The following ADAM32 variants were observed in gnomAD, a reference collection of about 807,000 sequenced individuals.
ADAM32 encodes the protein disintegrin and metalloproteinase domain-containing protein 32.
In ADAM32, 89 loss-of-function variants were observed where a neutral mutation model predicts 114.9. The observed-to-expected ratio is 0.77, with a 90% CI of 0.65 to 0.92. The LOEUF is 0.92. Among genes scored for constraint, ADAM32 ranks in the 40% least tolerant of loss-of-function variants. ADAM32 has a pLI of 0.00. For synonymous variants in ADAM32, 285 were observed against 307.5 expected (o/e 0.93, Z 0.77); for missense variants, 870 against 932.8 (o/e 0.93, Z 0.88).
At chr8:39,280,262 C>T (rs1813342835) in intron 22 of ADAM32, among the ~76,000 whole-genome samples, 1 of 150,908 alleles carries the variant, frequency 6.6e-6, no homozygotes, top group African/African-American at 2.5e-5. Context: ...CTTGTTTTCC[C>T]TCTGAGCTTC....
intron 3 of ADAM32, among the ~76,000 whole-genome samples, chr8:39,143,764 T>C (rs530227772): frequency 2.6e-4 from 39 of 152,182 alleles, no homozygotes; most frequent in Non-Finnish European, 5.1e-4. Flanking sequence ...ACTGGATGTT[T>C]AAGTCTGCAG....
chr8:39,277,784 T>C (rs1036410857), intron 22 of ADAM32, among the ~76,000 whole-genome samples: 9 of 152,362 alleles, frequency 5.9e-5, no homozygotes, highest in Non-Finnish European at 1.2e-4. Flanking sequence ...GTGCAGGCCC[T>C]GCAGCGGTAT....
At chr8:39,136,606 T>G in intron 2 of ADAM32, 51 bp from the exon 3 acceptor site, 1 of 1,204,972 alleles carries the variant, frequency 8.3e-7, no homozygotes, top group Non-Finnish European at 1.2e-6. Flanking sequence ...ACTGTTGTTT[T>G]GCTTCTTGTA....
intron 7 of ADAM32, 125 bp downstream of exon 7, chr8:39,161,090 A>G (rs1804481512): frequency 1.2e-6 from 1 of 822,304 alleles, no homozygotes; most frequent in African/African-American, 1.8e-5. Flanking sequence ...ACAATAGTGG[A>G]AAAATGTGCA....
In ADAM32 at chr8:39,186,799, C is replaced by T. The variant is rs1054382463; in HGVS notation, c.916-110C>T. ...CACCTGTTCAAGGATCCATATCTCC[C>T]TAATTCTTTAGCATTTGATAAAATA... On this transcript the variant is annotated intron_variant, in intron 10 of 24. Coordinates refer to ENST00000379907, the MANE Select transcript of ADAM32 (RefSeq NM_145004.7). 5.2e-6 allele frequency: 5 copies of T among 962,348 alleles called. No homozygotes were observed. The African/African-American group carries it at 6.6e-5, about 13-fold the overall frequency. The allele number at this position is 962,348 out of a possible 1,614,324, so 59.6% of individuals were successfully genotyped here.
At chr8:39,219,952 T>C (rs1000497282) in intron 12 of ADAM32, among the ~76,000 whole-genome samples, 3 of 152,186 alleles carry the variant, frequency 2.0e-5, no homozygotes, top group African/African-American at 7.2e-5. Context: ...AAGTGTGTAT[T>C]AGTATTAGGT....
rs1303837599 is a variant in ADAM32, at chr8:39,257,205, C to A, written c.2024C>A (p.Ala675Glu). ...TTTTTAGGTTCAATCATGGAAAGAGCATCTGGGAAGACTGAAAACACCTGG... is the reference window on the plus strand; with the variant it reads ...TTTTTAGGTTCAATCATGGAAAGAGAATCTGGGAAGACTGAAAACACCTGG... ...EEDMGSIMERASGKTENTWLL... is the reference protein window; with the variant it reads ...EEDMGSIMERESGKTENTWLL... The change falls in exon 19 of 25, where the codon GCA becomes GAA. Residue 675 changes from alanine to glutamate, a missense_variant. Coordinates refer to ENST00000379907, the MANE Select transcript of ADAM32 (RefSeq NM_145004.7). 6.3e-7 allele frequency: 1 copy of A among 1,596,810 alleles called. No homozygotes were observed. The highest frequency in any genetic ancestry group is 1.7e-5 in the Admixed American group (1 of 58,722).
intron 14 of ADAM32, among the ~76,000 whole-genome samples, chr8:39,230,936 T>C (rs1354632684): frequency 6.6e-6 from 1 of 152,204 alleles, no homozygotes; most frequent in African/African-American, 2.4e-5. Context: ...AGGTTCATTT[T>C]GGAGAAGGTA....
rs542639055 is a variant in ADAM32 at position 39,250,898 on chromosome 8, C to T, written c.1903-3516C>T. Among the ~76,000 whole-genome samples the T allele has an allele frequency of 5.3e-5, 8 of 152,084 alleles. No homozygotes were observed. The East Asian group carries it at 1.5e-3, about 29-fold the overall frequency. On this transcript the variant is annotated intron_variant, in intron 17 of 24. Coordinates refer to ENST00000379907, the MANE Select transcript of ADAM32 (RefSeq NM_145004.7). Reference sequence around the variant, plus strand: ...CATCTTCATGAATCCACTTTTTTAGCTTCCACATAAGAGTGAGAACATGTG... The same window carrying T: ...CATCTTCATGAATCCACTTTTTTAGTTTCCACATAAGAGTGAGAACATGTG...
chr8:39,165,794 A>G (rs1046131267), intron 9 of ADAM32: 2 of 152,020 alleles, frequency 1.3e-5, no homozygotes, highest in African/African-American at 4.8e-5. Context: ...CTTGTGTGAG[A>G]CTAATCTTTC....
chr8:39,209,829 T>A (rs1490298979), intron 11 of ADAM32, among the ~76,000 whole-genome samples: 3 of 152,184 alleles, frequency 2.0e-5, no homozygotes, highest in Admixed American at 1.3e-4. Flanking sequence ...TTTCTTCCCC[T>A]AGCAGAAGGA....
At chr8:39,196,831 A>G (rs1351754270) in intron 11 of ADAM32, among the ~76,000 whole-genome samples, 1 of 151,876 alleles carries the variant, frequency 6.6e-6, no homozygotes. Context: ...TGATTTTCCT[A>G]TCAGGGTAAT....
chr8:39,109,412 T>A (rs1202025100), intron 1 of ADAM32, among the ~76,000 whole-genome samples: 1 of 151,990 alleles, frequency 6.6e-6, no homozygotes, highest in Non-Finnish European at 1.5e-5. Flanking sequence ...CTGGGCGTGG[T>A]GGTGCGTGCC....
chr8:39,236,958 A>G (rs1212116198), intron 16 of ADAM32, among the ~76,000 whole-genome samples: 1 of 152,170 alleles, frequency 6.6e-6, no homozygotes, highest in Non-Finnish European at 1.5e-5. Flanking sequence ...AGGAAAACTT[A>G]AAGAATTCAC....
chr8:39,107,983 G>A (rs1839997459), intron 1 of ADAM32, 150 bp downstream of exon 1: 4 of 1,094,394 alleles, frequency 3.7e-6, no homozygotes, highest in South Asian at 1.8e-5. Flanking sequence ...CGCCCCGTCC[G>A]GATGGAGAAG....
In ADAM32 at chr8:39,284,897, T is replaced by C; in HGVS notation, c.*98T>C. 1.3e-6 allele frequency: 2 copies of C among 1,487,216 alleles called. No individual in the cohort carries two copies. The highest frequency in any genetic ancestry group is 1.9e-6 in the Non-Finnish European group (2 of 1,073,992). 92.1% of individuals were successfully genotyped at this position (1,487,216 alleles called of 1,614,324 possible). On this transcript the variant is annotated 3_prime_UTR_variant, in exon 25 of 25. Coordinates refer to ENST00000379907, the MANE Select transcript of ADAM32 (RefSeq NM_145004.7). Reference sequence around the variant, plus strand: ...GGTCACAGCTGAAAGAAACAATAAATTGAGTGTGGATCAATTTGCATGCCA... The same window carrying C: ...GGTCACAGCTGAAAGAAACAATAAACTGAGTGTGGATCAATTTGCATGCCA...
intron 19 of ADAM32, among the ~76,000 whole-genome samples, chr8:39,266,471 C>T (rs918393522): frequency 3.9e-5 from 6 of 152,118 alleles, no homozygotes; most frequent in African/African-American, 1.4e-4. Flanking sequence ...CTTTCAGTTG[C>T]TTTATGAAAT....
At chr8:39,244,283 G>T (rs1810751472) in intron 16 of ADAM32, among the ~76,000 whole-genome samples, 1 of 151,840 alleles carries the variant, frequency 6.6e-6, no homozygotes, top group East Asian at 1.9e-4. Context: ...AATTCATATG[G>T]AACCAAAAAA....
chr8:39,155,242 GA>G (rs1804071372), intron 6 of ADAM32, among the ~76,000 whole-genome samples: 1 of 152,198 alleles, frequency 6.6e-6, no homozygotes, highest in African/African-American at 2.4e-5. Context: ...TCAGACAAGA[GA>G]AAGAAATAAA....
Sources: allele counts gnomAD v4.1 joint callset (sites outside exome capture counted in the v4.1 genomes callset), GRCh38; gene constraint gnomAD v4.1.1; transcripts MANE v1.5; gene names NCBI Gene and HGNC (gene_info 2026-07-23, HGNC 2026-07-21).